RTL9: variants seen among roughly 807,000 people sequenced by gnomAD.
RTL9 encodes retrotransposon Gag-like protein 9.
A neutral mutation model predicts 44.7 loss-of-function variants in RTL9; 19 were observed. The ratio of observed to expected loss-of-function variants is 0.42; its 90% confidence interval spans 0.30 to 0.62. The LOEUF is 0.62. RTL9 is among the 20% of genes least tolerant of loss of function. The probability of loss-of-function intolerance (pLI) is 0.16; values close to 1 mark genes in which losing one functional copy is unlikely to be tolerated. For synonymous variants in RTL9, 407 were observed against 398.9 expected (o/e 1.02, Z -0.24); for missense variants, 1,105 against 1,080.6 (o/e 1.02, Z -0.32).
chrX:110,452,245 C>G (rs765020439), exon 1 of RTL9: 1 of 1,211,664 alleles, frequency 8.3e-7, no homozygotes, highest in Admixed American at 2.2e-5. Flanking sequence ...CAAATGAGAG[C>G]CCCTGTCTCT....
At chrX:110,378,506 C>T (rs776645308) in intron 1 of RTL9, among the ~76,000 whole-genome samples, 1 of 112,191 alleles carries the variant, frequency 8.9e-6, no homozygotes, top group Non-Finnish European at 1.9e-5. Context: ...GTACTAGCTC[C>T]TCATCCTGGC....
At chrX:110,378,008 C>CAAAAAAAAAAAA (rs755483656) in intron 1 of RTL9, among the ~76,000 whole-genome samples, 18 of 30,942 alleles carry the variant, frequency 5.8e-4, no homozygotes, top group African/African-American at 2.2e-3. Flanking sequence ...GACTCCGTCT[C>CAAAAAAAAAAAA]AAAAAAAAAA....
At chrX:110,360,761 A>G (rs2068257845) in intron 1 of RTL9, among the ~76,000 whole-genome samples, 1 of 111,324 alleles carries the variant, frequency 9.0e-6, no homozygotes, top group African/African-American at 3.3e-5. Context: ...TTAGGAGGCT[A>G]TTGTAAAAGC....
upstream of RTL9, among the ~76,000 whole-genome samples, chrX:110,446,146 T>A (rs900562385): frequency 5.4e-5 from 6 of 111,125 alleles, no homozygotes; most frequent in South Asian, 1.9e-3. Context: ...AGAGAAAGTT[T>A]GGAAGGAGAC....
At chrX:110,454,542 T>C in exon 1 of RTL9, 1 of 1,211,442 alleles carries the variant, frequency 8.3e-7, no homozygotes, top group Non-Finnish European at 1.1e-6. Context: ...GTACACCGAG[T>C]GCCAGCTGGC....
exon 1 of RTL9, chrX:110,453,543 T>G: frequency 5.8e-6 from 7 of 1,211,821 alleles, no homozygotes; most frequent in Non-Finnish European, 6.7e-6. Context: ...TGGAGAGATG[T>G]CTATGCCGCT....
intron 1 of RTL9, among the ~76,000 whole-genome samples, chrX:110,376,517 G>A (rs2068377834): frequency 8.9e-6 from 1 of 112,015 alleles, no homozygotes; most frequent in Non-Finnish European, 1.9e-5. Context: ...GGCTTCAGAT[G>A]AGAGAGAATT....
chrX:110,452,655 T>C, exon 1 of RTL9: 1 of 1,211,247 alleles, frequency 8.3e-7, no homozygotes, highest in Non-Finnish European at 1.1e-6. Context: ...TGGAGCAATG[T>C]CCACATCACA....
intron 1 of RTL9, among the ~76,000 whole-genome samples, chrX:110,410,428 TGAC>T (rs1462960628): frequency 8.9e-6 from 1 of 112,278 alleles, no homozygotes; most frequent in African/African-American, 3.2e-5. Context: ...CCAATATCTT[TGAC>T]GATGTCTATC....
At chrX:110,426,002 G>GCACA (rs201141674) in intron 1 of RTL9, among the ~76,000 whole-genome samples, 14 of 107,492 alleles carry the variant, frequency 1.3e-4, no homozygotes, top group African/African-American at 2.4e-4. Context: ...ACACACAAAC[G>GCACA]CACACACACA....
chrX:110,387,955 G>A (rs1340707956), intron 1 of RTL9, among the ~76,000 whole-genome samples: 1 of 103,018 alleles, frequency 9.7e-6, no homozygotes, highest in Non-Finnish European at 2.0e-5. Flanking sequence ...TCCGCCTCCC[G>A]GGTTCACGCC....
intron 1 of RTL9, among the ~76,000 whole-genome samples, chrX:110,405,312 A>C (rs770184324): frequency 5.4e-5 from 6 of 111,874 alleles, no homozygotes; most frequent in Non-Finnish European, 9.4e-5. Context: ...TTGGATAACC[A>C]AGAGCTCCCA....
At chrX:110,432,099 G>A (rs1434388830) in intron 1 of RTL9, among the ~76,000 whole-genome samples, 1 of 112,073 alleles carries the variant, frequency 8.9e-6, no homozygotes, top group Non-Finnish European at 1.9e-5. Flanking sequence ...AGAGGAAGCT[G>A]GGGATTTAAG....
At chrX:110,451,119 G>C (rs757253185) in exon 1 of RTL9, 3 of 1,210,663 alleles carry the variant, frequency 2.5e-6, no homozygotes, top group African/African-American at 3.5e-5. Flanking sequence ...ATCACCATTG[G>C]CAATGCCAGC....
intron 1 of RTL9, among the ~76,000 whole-genome samples, chrX:110,398,723 C>A (rs779784622): frequency 8.9e-6 from 1 of 112,039 alleles, no homozygotes; most frequent in Non-Finnish European, 1.9e-5. Flanking sequence ...CTCTCTGAAC[C>A]TTGAACCCTT....
chrX:110,425,674 G>A (rs748528884), intron 1 of RTL9, among the ~76,000 whole-genome samples: 7 of 112,079 alleles, frequency 6.2e-5, no homozygotes, highest in Non-Finnish European at 9.4e-5. Flanking sequence ...TCCTCACACA[G>A]CCCTACAGGA....
intron 1 of RTL9, among the ~76,000 whole-genome samples, chrX:110,373,546 T>G (rs1338880859): frequency 9.0e-6 from 1 of 111,727 alleles, no homozygotes; most frequent in Non-Finnish European, 1.9e-5. Context: ...TGCAAAAAAA[T>G]GATAAAGCAC....
At chrX:110,426,578 C>T (rs1046726606) in intron 1 of RTL9, 1 of 112,102 alleles carries the variant, frequency 8.9e-6, no homozygotes, top group Non-Finnish European at 1.9e-5. Flanking sequence ...TGAGACATGG[C>T]GTCTGAATAT....
upstream of RTL9, among the ~76,000 whole-genome samples, chrX:110,417,800 GCAACTTC>G (rs1324369254): frequency 2.7e-5 from 3 of 112,488 alleles, no homozygotes; most frequent in African/African-American, 9.7e-5. Context: ...TATTTTACTG[GCAACTTC>G]CAACATCCCA....
Sources: gnomAD v4.1 joint callset for allele counts (sites outside exome capture counted in the v4.1 genomes callset) on GRCh38, gnomAD v4.1.1 for gene constraint, MANE v1.5 for transcripts, NCBI Gene and HGNC (gene_info 2026-07-23, HGNC 2026-07-21) for gene names.